Variants in LRFN2 observed in about 807,000 individuals in gnomAD.
LRFN2 encodes leucine-rich repeat and fibronectin type-III domain-containing protein 2.
A neutral mutation model predicts 37.3 loss-of-function variants in LRFN2; 18 were observed. The observed-to-expected ratio is 0.48, with a 90% CI of 0.33 to 0.72. The LOEUF (loss-of-function observed/expected upper bound fraction) is 0.72, where lower values mean the gene tolerates loss of function less well. LRFN2 is among the 30% of genes least tolerant of loss of function. LRFN2 has a pLI of 0.02. For missense variants in LRFN2, 1,006 were observed against 1,060.7 expected (o/e 0.95, Z 0.72); for synonymous variants, 556 against 466.6 (o/e 1.19, Z -2.47).
chr6:40,526,145 G>T (rs1419001196), intron 1 of LRFN2, among the ~76,000 whole-genome samples: 2 of 152,218 alleles, frequency 1.3e-5, no homozygotes, highest in Non-Finnish European at 2.9e-5. Flanking sequence ...GAGTGCTACT[G>T]CTGTCCCCAT....
intron 1 of LRFN2, among the ~76,000 whole-genome samples, chr6:40,481,173 C>T (rs1292505391): frequency 2.6e-5 from 4 of 152,128 alleles, no homozygotes; most frequent in African/African-American, 9.7e-5. Flanking sequence ...CAGTGTCTCA[C>T]GTCTATAATC....
chr6:40,522,363 C>T (rs1409065629), intron 1 of LRFN2, among the ~76,000 whole-genome samples: 7 of 152,088 alleles, frequency 4.6e-5, no homozygotes, highest in Non-Finnish European at 8.8e-5. Context: ...AGCATCCAGC[C>T]AATTTTGCAA....
chr6:40,391,763 CG>C lies in LRFN2; in HGVS notation c.*179del. On this transcript the variant is annotated 3_prime_UTR_variant, in exon 3 of 3. Transcript: ENST00000338305. The stretch of plus-strand genomic sequence containing the variant: ...CCACATTCCCTGAGCACACCCCGGC[CG>C]GGTGGTGGGGAGGTGATGTGGGTGT... 1.8e-6 allele frequency: 1 copy of C among 549,260 alleles called. No individual in the cohort carries two copies. Among genetic ancestry groups the C allele is most frequent in the Non-Finnish European group, 3.0e-6 (1 of 335,046 alleles). The allele number at this position is 549,260 out of a possible 1,614,324, so 34.0% of individuals were successfully genotyped here. A position where few individuals can be genotyped will look rare whatever the true frequency, so the allele number is the denominator to read the frequency against.
intron 1 of LRFN2, among the ~76,000 whole-genome samples, chr6:40,547,502 A>T (rs1561903263): frequency 6.6e-6 from 1 of 152,124 alleles, no homozygotes; most frequent in Non-Finnish European, 1.5e-5. Flanking sequence ...TATGCGCCCT[A>T]GTTCCCCTAT....
chr6:40,496,753 T>A (rs1765237103), intron 1 of LRFN2, among the ~76,000 whole-genome samples: 2 of 152,116 alleles, frequency 1.3e-5, no homozygotes, highest in African/African-American at 4.8e-5. Flanking sequence ...TTGTGTGTTA[T>A]CCTCTGCTTC....
rs1444702938 is a variant in LRFN2 at position 40,432,484 on chromosome 6, C to G, written c.630G>C (p.Gln210His). The change falls in exon 2 of 3, where the codon CAG becomes CAC. Residue 210 changes from glutamine (Q) to histidine (H), a missense_variant. Gln to His is a conservative substitution (Grantham distance 24, BLOSUM62 0). Transcript: ENST00000338305. Reference protein sequence around the residue: ...ARLDLTSNRLQKLPPDPIFAR... With the variant: ...ARLDLTSNRLHKLPPDPIFAR... ...CAAAGATGGGATCAGGGGGCAGCTT[C>G]TGCAGCCGATTGGAGGTGAGATCCA... 1 of 1,614,250 alleles carries G rather than the reference C, an allele frequency of 6.2e-7. No individual in the cohort carries two copies. Among genetic ancestry groups the G allele is most frequent in the Admixed American group, 1.7e-5 (1 of 60,034 alleles).
intron 1 of LRFN2, among the ~76,000 whole-genome samples, chr6:40,515,250 T>C (rs1004361224): frequency 6.6e-6 from 1 of 152,128 alleles, no homozygotes; most frequent in Non-Finnish European, 1.5e-5. Flanking sequence ...GGGAATGTCA[T>C]ATATGTTGTG....
chr6:40,535,094 G>C (rs1766423922), intron 1 of LRFN2, among the ~76,000 whole-genome samples: 1 of 152,130 alleles, frequency 6.6e-6, no homozygotes, highest in Non-Finnish European at 1.5e-5. Flanking sequence ...TTGGGTCTTG[G>C]AGTCATCCCA....
chr6:40,526,873 C>T (rs985600268), intron 1 of LRFN2, among the ~76,000 whole-genome samples: 1 of 152,216 alleles, frequency 6.6e-6, no homozygotes, highest in Non-Finnish European at 1.5e-5. Flanking sequence ...GGAGACGGTG[C>T]AGCCAGATTC....
intron 1 of LRFN2, among the ~76,000 whole-genome samples, chr6:40,562,669 G>A (rs2113789386): frequency 6.6e-6 from 1 of 152,240 alleles, no homozygotes; most frequent in South Asian, 2.1e-4. Flanking sequence ...GGGCCTCCCT[G>A]TCCTGCCAAC....
chr6:40,471,675 T>C (rs1488187887), intron 1 of LRFN2, among the ~76,000 whole-genome samples: 2 of 152,162 alleles, frequency 1.3e-5, no homozygotes, highest in Admixed American at 6.5e-5. Flanking sequence ...AATGAGTTAA[T>C]ACTGCAAGTA....
intron 1 of LRFN2, among the ~76,000 whole-genome samples, chr6:40,576,924 G>T (rs1767291005): frequency 6.6e-6 from 1 of 151,422 alleles, no homozygotes; most frequent in Non-Finnish European, 1.5e-5. Context: ...ATCACCTCAT[G>T]TCCCACCCTA....
intron 1 of LRFN2, among the ~76,000 whole-genome samples, chr6:40,501,027 A>G (rs1157473068): frequency 4.6e-5 from 7 of 151,540 alleles, no homozygotes; most frequent in African/African-American, 1.7e-4. Context: ...AGGTACAACC[A>G]TTAAAAATGA....
At chr6:40,412,583 C>T (rs546933197) in intron 2 of LRFN2, among the ~76,000 whole-genome samples, 2 of 152,162 alleles carry the variant, frequency 1.3e-5, no homozygotes, top group South Asian at 4.1e-4. Flanking sequence ...CAAGTCTTAT[C>T]CCTTCTCTGG....
chr6:40,424,576 C>T (rs1763303496), intron 2 of LRFN2, among the ~76,000 whole-genome samples: 1 of 133,604 alleles, frequency 7.5e-6, no homozygotes, highest in African/African-American at 2.6e-5. Flanking sequence ...CATGTTTCAA[C>T]AGCGTGAAAA....
At chr6:40,393,642 G>A (rs781201154) in intron 2 of LRFN2, among the ~76,000 whole-genome samples, 13 of 152,074 alleles carry the variant, frequency 8.5e-5, no homozygotes, top group East Asian at 1.9e-4. Context: ...TATTCCCTCC[G>A]TCTCTGGGAT....
Position 40,444,601 on chromosome 6 carries a change from A to T in LRFN2, c.-18-11470T>A, listed in dbSNP as rs1384779518. ...CGGATACAGCAGGAAGAGCATGCATAGGAGTTCTATAAGCTGGGTCCCTGC... is the reference window on the plus strand; with the variant it reads ...CGGATACAGCAGGAAGAGCATGCATTGGAGTTCTATAAGCTGGGTCCCTGC... On this transcript the variant is annotated intron_variant, in intron 1 of 2. Coordinates refer to ENST00000338305, the MANE Select transcript of LRFN2 (RefSeq NM_020737.3). Among the ~76,000 whole-genome samples, 6 of 152,308 alleles carry T rather than the reference A, an allele frequency of 3.9e-5. No individual in the cohort carries two copies. The South Asian group carries it at 1.0e-3, about 26-fold the overall frequency.
At chr6:40,541,161 C>A (rs1396587790) in intron 1 of LRFN2, among the ~76,000 whole-genome samples, 1 of 152,290 alleles carries the variant, frequency 6.6e-6, no homozygotes, top group East Asian at 1.9e-4. Context: ...GGCCAGCCAG[C>A]CATCAGCGGG....
intron 1 of LRFN2, among the ~76,000 whole-genome samples, chr6:40,534,418 C>T (rs1766411552): frequency 6.6e-6 from 1 of 152,028 alleles, no homozygotes; most frequent in Non-Finnish European, 1.5e-5. Context: ...CTCCCCCCAA[C>T]TGCTGATCCA....
Sources: gnomAD v4.1 joint callset for allele counts (sites outside exome capture counted in the v4.1 genomes callset) on GRCh38, gnomAD v4.1.1 for gene constraint, MANE v1.5 for transcripts, NCBI Gene and HGNC (gene_info 2026-07-23, HGNC 2026-07-21) for gene names.